MAPKBP1: variants seen among roughly 807,000 people sequenced by gnomAD.
MAPKBP1 encodes the protein mitogen-activated protein kinase-binding protein 1.
A neutral mutation model predicts 170.5 loss-of-function variants in MAPKBP1; 71 were observed. The observed-to-expected ratio is 0.42, with a 90% CI of 0.34 to 0.51. The LOEUF is 0.51. Ranked by LOEUF, MAPKBP1 falls within the 20% of genes least tolerant of loss-of-function variation. The pLI, the probability that MAPKBP1 is intolerant of heterozygous loss-of-function variation, is 0.06. For synonymous variants in MAPKBP1, 719 were observed against 757.9 expected (o/e 0.95, Z 0.84); for missense variants, 1,598 against 1,933.0 (o/e 0.83, Z 3.25).
chr15:41,792,324 A>G (rs895424751), intron 2 of MAPKBP1, among the ~76,000 whole-genome samples: 26 of 151,784 alleles, frequency 1.7e-4, no homozygotes, highest in African/African-American at 5.8e-4. Flanking sequence ...CCTAGTTCCT[A>G]CTGGGAGTGG....
chr15:41,805,589 G>C (rs1159862927), intron 3 of MAPKBP1, among the ~76,000 whole-genome samples: 1 of 152,198 alleles, frequency 6.6e-6, no homozygotes, highest in African/African-American at 2.4e-5. Context: ...TGATTTAAGT[G>C]GGGAGGAGAA....
chr15:41,794,823 G>A (rs866655220), intron 2 of MAPKBP1, among the ~76,000 whole-genome samples: 7 of 152,170 alleles, frequency 4.6e-5, no homozygotes, highest in Non-Finnish European at 8.8e-5. Context: ...CATGGACAGA[G>A]ATGTAATCAA....
intron 11 of MAPKBP1, 49 bp downstream of exon 11, chr15:41,815,454 C>T: frequency 6.2e-7 from 1 of 1,605,384 alleles, no homozygotes; most frequent in Non-Finnish European, 8.5e-7. Flanking sequence ...TGCCCCCATC[C>T]CCACAGCTAT....
chr15:41,818,560 C>G lies in MAPKBP1; in HGVS notation c.2134C>G (p.Leu712Val). The G allele has an allele frequency of 6.2e-7, 1 of 1,613,486 alleles. No homozygotes were observed. The highest frequency in any genetic ancestry group is 8.5e-7 in the Non-Finnish European group (1 of 1,179,708). ...GMKFSNDCKH[L>V]ISVSGDSCIF... ...GAAATTTAGTAATGATTGTAAACAT[C>G]TCATCTCTGTGTCTGGGGACAGGTG... The change falls in exon 19 of 31, where the codon CTC becomes GTC. Residue 712 changes from leucine (L) to valine (V), a missense_variant. Leu to Val is a conservative substitution (Grantham distance 32). Transcript: ENST00000457542. This position sits in a 1 kb window ranked among gnomAD's most constrained non-coding sequence, Gnocchi z 5.2.
intron 2 of MAPKBP1, among the ~76,000 whole-genome samples, chr15:41,795,021 C>A (rs141193970): frequency 2.8e-4 from 43 of 151,886 alleles, no homozygotes; most frequent in African/African-American, 9.9e-4. Flanking sequence ...AAAAATTAGC[C>A]GGGCATGATG....
At chr15:41,780,195 G>A (rs1325929588) in intron 2 of MAPKBP1, among the ~76,000 whole-genome samples, 2 of 152,200 alleles carry the variant, frequency 1.3e-5, no homozygotes, top group South Asian at 2.1e-4. Flanking sequence ...ATTTAGGGCA[G>A]GTTCCCTTCT....
At chr15:41,820,254 T>A (rs2152083237) in intron 22 of MAPKBP1, among the ~76,000 whole-genome samples, 1 of 152,264 alleles carries the variant, frequency 6.6e-6, no homozygotes, top group South Asian at 2.1e-4. Context: ...CTGTGGTGTC[T>A]CTGGAGCACC....
intron 13 of MAPKBP1, 70 bp from the exon 14 acceptor site, chr15:41,816,840 G>T: frequency 6.5e-7 from 1 of 1,548,942 alleles, no homozygotes. Flanking sequence ...GTTCCCTTGG[G>T]GCTCTTTGCC....
intron 2 of MAPKBP1, among the ~76,000 whole-genome samples, chr15:41,794,676 C>T (rs1418955577): frequency 2.0e-5 from 3 of 152,106 alleles, no homozygotes; most frequent in African/African-American, 7.2e-5. Context: ...TTCATTTATT[C>T]CTTAAATATG....
At chr15:41,780,566 A>G (rs1056262807) in intron 2 of MAPKBP1, among the ~76,000 whole-genome samples, 2 of 152,152 alleles carry the variant, frequency 1.3e-5, no homozygotes, top group Non-Finnish European at 2.9e-5. Flanking sequence ...GATTTGTTAT[A>G]TTATACTTCA....
At position 41,818,966 on chromosome 15, in the gene MAPKBP1, A is replaced by G. The variant is rs375569000; in HGVS notation, c.2291+9A>G. ...GCTTCTGGACCCAACCGGTGAGAAC[A>G]GAATGTGGGCAAGTGATGGGTGGGT... is the stretch of plus-strand genomic sequence containing the variant. On this transcript the variant is annotated intron_variant, in intron 20 of 30. Transcript: ENST00000457542. This position sits in a 1 kb window ranked among gnomAD's most constrained non-coding sequence, Gnocchi z 5.2. The G allele has an allele frequency of 6.2e-7, 1 of 1,613,062 alleles. No homozygotes were observed. Among genetic ancestry groups the G allele is most frequent in the Non-Finnish European group, 8.5e-7 (1 of 1,179,352 alleles).
At chr15:41,807,944 CAGA>C (rs544075160) in intron 3 of MAPKBP1, among the ~76,000 whole-genome samples, 1 of 150,944 alleles carries the variant, frequency 6.6e-6, no homozygotes, top group East Asian at 2.0e-4. Context: ...GAGGCTGAGA[CAGA>C]AGAATTGCTT....
intron 1 of MAPKBP1, 174 bp downstream of exon 1, chr15:41,774,784 GTCCCC>G (rs1328542313): frequency 7.5e-6 from 3 of 399,184 alleles, no homozygotes; most frequent in African/African-American, 6.2e-5. Context: ...GCCCCGCCGC[GTCCCC>G]GCCGGCGCTA....
At chr15:41,782,219 G>T (rs1396171926) in intron 2 of MAPKBP1, among the ~76,000 whole-genome samples, 3 of 141,260 alleles carry the variant, frequency 2.1e-5, no homozygotes, top group Admixed American at 1.5e-4. Context: ...CTGAGATCGC[G>T]CCACTGCCCT....
intron 3 of MAPKBP1, among the ~76,000 whole-genome samples, chr15:41,809,920 C>T (rs2064773115): frequency 6.6e-6 from 1 of 152,222 alleles, no homozygotes. Context: ...CAGAGATTCT[C>T]AGGGTGGGGC....
At chr15:41,779,466 C>T (rs930755221) in intron 2 of MAPKBP1, among the ~76,000 whole-genome samples, 10 of 152,220 alleles carry the variant, frequency 6.6e-5, no homozygotes, top group African/African-American at 2.4e-4. Context: ...GCCTCAGCCT[C>T]CCAAAGTGCT....
In MAPKBP1 at chr15:41,821,034, G is replaced by A; in HGVS notation, c.2684G>A (p.Gly895Glu). The change falls in exon 23 of 31, where the codon GGG (glycine) becomes GAG (glutamate). Residue 895 changes from glycine to glutamate, a missense_variant. Gly to Glu is a moderately conservative substitution (Grantham distance 98). Transcript: ENST00000457542. ...ATCCCATCTGGTCCCAGGAAGCATGGGCAGGAGGCCCTTGAGACTTCACTC... is the reference window on the plus strand; with the variant it reads ...ATCCCATCTGGTCCCAGGAAGCATGAGCAGGAGGCCCTTGAGACTTCACTC... Reference protein sequence around the residue: ...AIIPSGPRKHGQEALETSLTS... With the variant: ...AIIPSGPRKHEQEALETSLTS... The A allele has an allele frequency of 6.2e-7, 1 of 1,614,192 alleles. No homozygotes were observed. The highest frequency in any genetic ancestry group is 8.5e-7 in the Non-Finnish European group (1 of 1,180,022).
intron 2 of MAPKBP1, among the ~76,000 whole-genome samples, chr15:41,784,893 T>TA (rs35451237): frequency 0.75 from 78,802 of 105,586 alleles, 30,108 homozygotes; most frequent in East Asian, 0.88. Flanking sequence ...ACCCTATCTG[T>TA]AAAAAAAAAA....
chr15:41,822,316 G>A lies in MAPKBP1; in HGVS notation c.3123G>A (p.Glu1041=), dbSNP rs143651460. 15 of 1,613,932 alleles carry A rather than the reference G, an allele frequency of 9.3e-6. No homozygotes were observed. The African/African-American group carries it at 1.5e-4, about 16-fold the overall frequency. Residue 1041 remains glutamate (E), a synonymous_variant, in exon 26 of 31, where the codon GAG becomes GAA. Coordinates refer to ENST00000457542, the MANE Select transcript of MAPKBP1 (RefSeq NM_014994.3). The part of the protein sequence containing the change: ...AEGDEEEEEE[E]GGMGPYGLQE... Reference sequence around the variant, plus strand: ...GTGATGAAGAAGAGGAAGAAGAGGAGGGAGGCATGGGCCCCTATGGGCTAC... The same window carrying A: ...GTGATGAAGAAGAGGAAGAAGAGGAAGGAGGCATGGGCCCCTATGGGCTAC...
Sources: allele counts gnomAD v4.1 joint callset (sites outside exome capture counted in the v4.1 genomes callset), GRCh38; gene constraint gnomAD v4.1.1; non-coding constraint Gnocchi (gnomAD v3.1); transcripts MANE v1.5; gene names NCBI Gene and HGNC (gene_info 2026-07-23, HGNC 2026-07-21).